Variants in CDH4 observed in about 807,000 individuals in gnomAD.
CDH4 encodes the protein cadherin-4.
CDH4 carries 33 observed loss-of-function variants against 86.0 expected under a neutral mutation model. The observed-to-expected ratio is 0.38, with a 90% CI of 0.29 to 0.51. The LOEUF (loss-of-function observed/expected upper bound fraction) is 0.51. Ranked by LOEUF, CDH4 falls within the 20% of genes least tolerant of loss-of-function variation. The pLI, the probability that CDH4 is intolerant of heterozygous loss-of-function variation, is 0.86. For synonymous variants in CDH4, 555 were observed against 549.4 expected (o/e 1.01, Z -0.14); for missense variants, 1,114 against 1,307.4 (o/e 0.85, Z 2.28).
At chr20:61,515,549 T>G (rs1417587876) in intron 2 of CDH4, among the ~76,000 whole-genome samples, 2 of 152,060 alleles carry the variant, frequency 1.3e-5, no homozygotes, top group East Asian at 3.9e-4. Flanking sequence ...CGGTTGTCCC[T>G]CCCTCCCTTC....
chr20:61,444,679 G>T (rs1368709908), intron 2 of CDH4, among the ~76,000 whole-genome samples: 1 of 140,506 alleles, frequency 7.1e-6, no homozygotes, highest in Non-Finnish European at 1.6e-5. Context: ...GTATATCTTT[G>T]TGTGTCTTTG....
At chr20:61,264,958 G>C (rs1232718162) in intron 2 of CDH4, among the ~76,000 whole-genome samples, 5 of 144,838 alleles carry the variant, frequency 3.5e-5, no homozygotes, top group African/African-American at 1.3e-4. Flanking sequence ...ACATACCCCA[G>C]TGGCTCCTTC....
Position 61,879,200 on chromosome 20 carries a change from G to GC in CDH4, c.1050+5306dup, listed in dbSNP as rs1984174489. Among the ~76,000 whole-genome samples the GC allele has an allele frequency of 6.6e-6, 1 of 152,156 alleles. No individual in the cohort carries two copies. The highest frequency in any genetic ancestry group is 1.9e-4 in the East Asian group (1 of 5,174). ...CCGGCCTTCACCCAGCAGAGCCACTGCCCCCCTGGGCCCAGGCCTGCTGAG... is the reference window on the plus strand; with the variant it reads ...CCGGCCTTCACCCAGCAGAGCCACTGCCCCCCCTGGGCCCAGGCCTGCTGAG... On this transcript the variant is annotated intron_variant, in intron 7 of 15. Transcript: ENST00000614565. The surrounding 1 kb of genome is among the most constrained non-coding windows in gnomAD (Gnocchi z 4.1).
chr20:61,929,031 T>C (rs6089556), intron 12 of CDH4, among the ~76,000 whole-genome samples: 76,088 of 152,142 alleles, frequency 0.5, 20,112 homozygotes, highest in East Asian at 0.85. Context: ...AATTGTCTGT[T>C]CAATGACTTT....
intron 2 of CDH4, among the ~76,000 whole-genome samples, chr20:61,321,284 G>C (rs932098531): frequency 6.6e-6 from 1 of 152,212 alleles, no homozygotes; most frequent in Non-Finnish European, 1.5e-5. Flanking sequence ...ATCTAGGGAA[G>C]AGCGGGTTTC....
rs1980452398 is a variant in CDH4, at chr20:61,811,821, G to A, written c.577-32847G>A. 1.3e-5 allele frequency among the ~76,000 whole-genome samples: 2 copies of A among 151,824 alleles called. No homozygotes were observed. Among genetic ancestry groups the A allele is most frequent in the South Asian group, 4.2e-4 (2 of 4,804 alleles). On this transcript the variant is annotated intron_variant, in intron 4 of 15. Transcript: ENST00000614565. This position sits in a 1 kb window ranked among gnomAD's most constrained non-coding sequence, Gnocchi z 4.4. Reference sequence around the variant, plus strand: ...CATGTAGCTGGTACTACAGGCACACGTCACCATGCCCGGTTAATTTTTGTA... The same window carrying A: ...CATGTAGCTGGTACTACAGGCACACATCACCATGCCCGGTTAATTTTTGTA...
intron 2 of CDH4, among the ~76,000 whole-genome samples, chr20:61,503,463 T>G (rs1203988306): frequency 1.3e-5 from 2 of 152,200 alleles, no homozygotes; most frequent in African/African-American, 2.4e-5. Context: ...GCAACCCAGA[T>G]GTTTGTCCGG....
intron 2 of CDH4, among the ~76,000 whole-genome samples, chr20:61,545,699 G>A (rs531585233): frequency 9.8e-5 from 15 of 152,324 alleles, no homozygotes; most frequent in East Asian, 1.9e-4. Flanking sequence ...CATGCTTGGC[G>A]CCAGCGGGCA....
rs778082803 is a variant in CDH4, at chr20:61,426,294, A to AT, written c.169+171358dup. Among the ~76,000 whole-genome samples, 11 of 152,266 alleles carry AT rather than the reference A, an allele frequency of 7.2e-5. No individual in the cohort carries two copies. In the East Asian group the frequency reaches 2.1e-3, roughly 29 times the overall value. On this transcript the variant is annotated intron_variant, in intron 2 of 15. Coordinates refer to ENST00000614565, the MANE Select transcript of CDH4 (RefSeq NM_001794.5). ...GCTTGGAAAAACACTCTGGCTTAATATATTAAGGATGGGAAATATAGGAAG... is the reference window on the plus strand; with the variant it reads ...GCTTGGAAAAACACTCTGGCTTAATATTATTAAGGATGGGAAATATAGGAAG...
chr20:61,422,874 G>C (rs1315224213), intron 2 of CDH4, among the ~76,000 whole-genome samples: 1 of 152,150 alleles, frequency 6.6e-6, no homozygotes, highest in Non-Finnish European at 1.5e-5. Context: ...CCTGCTGCTG[G>C]GAAGCCCCGC....
intron 2 of CDH4, among the ~76,000 whole-genome samples, chr20:61,286,998 G>T (rs1263601826): frequency 6.6e-6 from 1 of 152,212 alleles, no homozygotes. Flanking sequence ...TGTGGGACAG[G>T]TGTCTCAGTG....
chr20:61,542,706 T>C (rs2086049626), intron 2 of CDH4, among the ~76,000 whole-genome samples: 2 of 152,228 alleles, frequency 1.3e-5, no homozygotes, highest in South Asian at 4.1e-4. Context: ...AAGGGTCTCC[T>C]TTTCCTCTTA....
chr20:61,668,990 T>G (rs2087356995), intron 2 of CDH4, among the ~76,000 whole-genome samples: 1 of 152,174 alleles, frequency 6.6e-6, no homozygotes, highest in Admixed American at 6.5e-5. Context: ...GGACAGGTGT[T>G]CCAGGAGGAC....
At chr20:61,927,417 A>G (rs969046615) in intron 11 of CDH4, among the ~76,000 whole-genome samples, 25 of 152,294 alleles carry the variant, frequency 1.6e-4, no homozygotes, top group African/African-American at 6.0e-4. Context: ...TTCATGCTGA[A>G]GCCAGAGGTC....
intron 2 of CDH4, among the ~76,000 whole-genome samples, chr20:61,559,971 G>A (rs1469865189): frequency 5.3e-5 from 8 of 152,166 alleles, no homozygotes; most frequent in Non-Finnish European, 1.2e-4. Flanking sequence ...AGAGCACCAC[G>A]TCTCAACCAT....
intron 6 of CDH4, among the ~76,000 whole-genome samples, chr20:61,864,061 G>A (rs1983441865): frequency 6.6e-6 from 1 of 152,358 alleles, no homozygotes; most frequent in Non-Finnish European, 1.5e-5. Context: ...CAGTAGGGTG[G>A]GCCCTGAATC....
At chr20:61,665,197 A>G (rs2087309284) in intron 2 of CDH4, among the ~76,000 whole-genome samples, 1 of 152,230 alleles carries the variant, frequency 6.6e-6, no homozygotes, top group Non-Finnish European at 1.5e-5. Flanking sequence ...TCTTGGTCAC[A>G]CATCACAGAC....
chr20:61,632,946 T>G (rs893055592), intron 2 of CDH4, among the ~76,000 whole-genome samples: 2 of 149,454 alleles, frequency 1.3e-5, no homozygotes, highest in Non-Finnish European at 3.0e-5. Flanking sequence ...ATCCATCTTC[T>G]TATCCTCCCA....
chr20:61,402,376 T>C (rs2085054294), intron 2 of CDH4, among the ~76,000 whole-genome samples: 1 of 151,462 alleles, frequency 6.6e-6, no homozygotes, highest in Non-Finnish European at 1.5e-5. Flanking sequence ...TCTGTACATG[T>C]TCAGTACAGA....
Sources: allele counts gnomAD v4.1 joint callset (sites outside exome capture counted in the v4.1 genomes callset), GRCh38; gene constraint gnomAD v4.1.1; non-coding constraint Gnocchi (gnomAD v3.1); transcripts MANE v1.5; gene names NCBI Gene and HGNC (gene_info 2026-07-23, HGNC 2026-07-21).